The following TBC1D1 variants were observed in gnomAD, a reference collection of about 807,000 sequenced individuals.
TBC1D1 encodes TBC1 domain family member 1, also known as TBC1 (tre-2/USP6, BUB2, cdc16) domain family, member 1.
In TBC1D1, 89 loss-of-function variants were observed where a neutral mutation model predicts 125.6. The ratio of observed to expected loss-of-function variants is 0.71; its 90% CI spans 0.60 to 0.85. TBC1D1 has a LOEUF of 0.85. Ranked by LOEUF, TBC1D1 falls within the 40% of genes least tolerant of loss-of-function variation. TBC1D1 has a pLI of 0.00. For synonymous variants in TBC1D1, 565 were observed against 564.1 expected (o/e 1.00, Z -0.02); for missense variants, 1,377 against 1,469.2 (o/e 0.94, Z 1.03).
At chr4:38,063,809 A>G (rs1254132067) in intron 12 of TBC1D1, among the ~76,000 whole-genome samples, 1 of 151,966 alleles carries the variant, frequency 6.6e-6, no homozygotes, top group African/African-American at 2.4e-5. Context: ...TTATATGTTT[A>G]CTAGAGACGG....
chr4:37,935,048 A>T (rs1724098879), intron 2 of TBC1D1, among the ~76,000 whole-genome samples: 1 of 152,178 alleles, frequency 6.6e-6, no homozygotes, highest in Admixed American at 6.5e-5. Flanking sequence ...CACAGAAGGG[A>T]AGTGACACAT....
At chr4:38,058,084 A>T (rs576810921) in intron 12 of TBC1D1, among the ~76,000 whole-genome samples, 20 of 152,174 alleles carry the variant, frequency 1.3e-4, no homozygotes, top group Non-Finnish European at 2.2e-4. Context: ...GTTTCTGGGC[A>T]TTTTAATGTA....
chr4:38,087,851 A>G (rs529847194), intron 12 of TBC1D1, among the ~76,000 whole-genome samples: 2 of 135,076 alleles, frequency 1.5e-5, no homozygotes, highest in Non-Finnish European at 1.6e-5. Context: ...GTCTCAAAAA[A>G]AAAAAAAAAA....
intron 14 of TBC1D1, among the ~76,000 whole-genome samples, chr4:38,099,713 G>A (rs764995506): frequency 4.6e-5 from 7 of 152,230 alleles, no homozygotes; most frequent in Admixed American, 2.6e-4. Context: ...CCTGCAAGCC[G>A]TAGGTGGGCT....
chr4:37,919,263 G>A (rs963636283), intron 2 of TBC1D1, among the ~76,000 whole-genome samples: 1 of 151,730 alleles, frequency 6.6e-6, no homozygotes, highest in African/African-American at 2.4e-5. Flanking sequence ...CACCTCCTGG[G>A]TTCAAGCGAT....
At chr4:38,011,353 C>CAA (rs547785950) in intron 2 of TBC1D1, among the ~76,000 whole-genome samples, 363 of 71,380 alleles carry the variant, frequency 5.1e-3, no homozygotes, top group African/African-American at 0.018. Flanking sequence ...AACTCCATCT[C>CAA]AAAAAAAAAA....
Position 38,096,107 on chromosome 4 carries a change from A to G in TBC1D1, c.2398+17A>G. 1.2e-6 allele frequency: 2 copies of G among 1,607,934 alleles called. No homozygotes were observed. Among genetic ancestry groups the G allele is most frequent in the Non-Finnish European group, 8.5e-7 (1 of 1,176,338 alleles). ...TTGGGCAAGGTAAGCTTCATTGGGAAGCATCTAGTCAACCTCACCCCTCAT... is the reference window on the plus strand; with the variant it reads ...TTGGGCAAGGTAAGCTTCATTGGGAGGCATCTAGTCAACCTCACCCCTCAT... On this transcript the variant is annotated intron_variant, in intron 14 of 19. Transcript: ENST00000261439.
intron 8 of TBC1D1, among the ~76,000 whole-genome samples, chr4:38,040,722 T>C (rs1748196660): frequency 6.6e-6 from 1 of 152,216 alleles, no homozygotes; most frequent in Admixed American, 6.5e-5. Context: ...TGGGAGCCCT[T>C]TGTGGGCAAT....
At chr4:37,951,501 C>G (rs1727865086) in intron 2 of TBC1D1, among the ~76,000 whole-genome samples, 1 of 152,180 alleles carries the variant, frequency 6.6e-6, no homozygotes, top group African/African-American at 2.4e-5. Context: ...GGAATTATCT[C>G]CAGCTACATC....
intron 7 of TBC1D1, among the ~76,000 whole-genome samples, chr4:38,033,346 T>C (rs1003703717): frequency 1.3e-5 from 2 of 152,020 alleles, no homozygotes; most frequent in African/African-American, 4.8e-5. Flanking sequence ...AGAGGCCTCA[T>C]AATTCCTGTC....
intron 2 of TBC1D1, among the ~76,000 whole-genome samples, chr4:37,929,565 T>C (rs1446447648): frequency 6.6e-6 from 1 of 152,192 alleles, no homozygotes; most frequent in Non-Finnish European, 1.5e-5. Context: ...ACCTATTTCC[T>C]TGCTGCAGAT....
intron 17 of TBC1D1, among the ~76,000 whole-genome samples, chr4:38,118,777 C>T (rs1473856912): frequency 2.6e-5 from 4 of 152,254 alleles, no homozygotes; most frequent in Admixed American, 1.3e-4. Context: ...CCACATGTCA[C>T]AGCCACTGCC....
chr4:38,046,039 C>A, intron 10 of TBC1D1, 136 bp downstream of exon 10: 2 of 717,278 alleles, frequency 2.8e-6, no homozygotes, highest in Non-Finnish European at 2.4e-6. Context: ...ACTGGTCATG[C>A]AGTTCTATCA....
intron 12 of TBC1D1, among the ~76,000 whole-genome samples, chr4:38,085,937 C>T (rs921107344): frequency 2.0e-5 from 3 of 152,308 alleles, no homozygotes; most frequent in Middle Eastern, 3.4e-3. Flanking sequence ...AGACTGCACA[C>T]GCCTGAAGGA....
At chr4:38,072,192 C>T (rs1186789401) in intron 12 of TBC1D1, among the ~76,000 whole-genome samples, 2 of 152,156 alleles carry the variant, frequency 1.3e-5, no homozygotes, top group African/African-American at 2.4e-5. Context: ...ACTATGTACA[C>T]CTAGAGAGAG....
intron 2 of TBC1D1, among the ~76,000 whole-genome samples, chr4:37,911,656 G>A (rs530418795): frequency 6.6e-6 from 1 of 152,266 alleles, no homozygotes; most frequent in South Asian, 2.1e-4. Context: ...TGCAGGTTTG[G>A]TGTTCATTCA....
chr4:38,094,452 G>A (rs147192689), intron 13 of TBC1D1, among the ~76,000 whole-genome samples: 172 of 152,212 alleles, frequency 1.1e-3, no homozygotes, highest in African/African-American at 3.7e-3. Context: ...TTAATATTGC[G>A]AACAGCTGGT....
intron 16 of TBC1D1, among the ~76,000 whole-genome samples, 176 bp downstream of exon 18, chr4:38,116,130 A>AATAAC (rs56396536): frequency 0.72 from 108,490 of 151,406 alleles, 39,134 homozygotes; most frequent in African/African-American, 0.79. Flanking sequence ...ACTTCCCTCT[A>AATAAC]AGGAAGACAC....
chr4:37,918,676 G>A (rs1178706371), intron 2 of TBC1D1, among the ~76,000 whole-genome samples: 6 of 152,098 alleles, frequency 3.9e-5, no homozygotes, highest in Non-Finnish European at 8.8e-5. Context: ...TCAAACTCCC[G>A]ACCTCAGGTG....
Sources: allele counts gnomAD v4.1 joint callset (sites outside exome capture counted in the v4.1 genomes callset), GRCh38; gene constraint gnomAD v4.1.1; transcripts MANE v1.5; gene names NCBI Gene and HGNC (gene_info 2026-07-23, HGNC 2026-07-21).